ZNF83: variants seen among roughly 807,000 people sequenced by gnomAD.
The protein encoded by ZNF83 is zinc finger protein 816B.
For missense variants in ZNF83, 552 were observed against 629.9 expected (o/e 0.88, Z 1.32); for synonymous variants, 209 against 213.0 (o/e 0.98, Z 0.17).
At chr19:52,649,710 A>T (rs1056883063) in intron 3 of ZNF83, among the ~76,000 whole-genome samples, 1 of 152,146 alleles carries the variant, frequency 6.6e-6, no homozygotes, top group African/African-American at 2.4e-5. Flanking sequence ...GATCCAGAAG[A>T]CCCTAGCAGG....
At chr19:52,658,432 G>A (rs889816670) in intron 2 of ZNF83, among the ~76,000 whole-genome samples, 2 of 152,086 alleles carry the variant, frequency 1.3e-5, no homozygotes, top group African/African-American at 4.8e-5. Context: ...CAGGTGTGGT[G>A]GTGCGCACCT....
upstream of ZNF83, among the ~76,000 whole-genome samples, chr19:52,643,359 A>G (rs2061332217): frequency 1.7e-5 from 1 of 59,548 alleles, no homozygotes; most frequent in Admixed American, 2.2e-4. Flanking sequence ...TGTCTCAAAT[A>G]GAAAAAAAAA....
At chr19:52,634,960 C>A in intron 2 of ZNF83, 106 bp downstream of exon 2, 2 of 654,896 alleles carry the variant, frequency 3.1e-6, no homozygotes, top group South Asian at 1.7e-5. Context: ...GTGAGCAAAC[C>A]TGTCAGGCAG....
chr19:52,636,004 A>AG (rs1341585940), intron 1 of ZNF83: 1 of 151,214 alleles, frequency 6.6e-6, no homozygotes, highest in African/African-American at 2.4e-5. Context: ...AAAAAAAAAA[A>AG]AAACTATGTA....
intron 2 of ZNF83, among the ~76,000 whole-genome samples, chr19:52,627,488 C>G (rs1422424954): frequency 6.6e-6 from 1 of 151,972 alleles, no homozygotes; most frequent in Non-Finnish European, 1.5e-5. Flanking sequence ...GTGGTGAAAC[C>G]CTCTCTCTAC....
chr19:52,617,031 CA>C (rs930961645), intron 2 of ZNF83: 6 of 152,164 alleles, frequency 3.9e-5, no homozygotes, highest in Non-Finnish European at 8.8e-5. Flanking sequence ...CAGGGCCTAT[CA>C]GGGGGTAGGG....
intron 2 of ZNF83, among the ~76,000 whole-genome samples, chr19:52,658,333 G>A (rs2061534413): frequency 6.6e-6 from 1 of 151,974 alleles, no homozygotes; most frequent in South Asian, 2.1e-4. Flanking sequence ...TGGGAAGCCA[G>A]GGTGTGGGGA....
At chr19:52,626,037 T>C (rs1269825747) in intron 2 of ZNF83, among the ~76,000 whole-genome samples, 2 of 152,196 alleles carry the variant, frequency 1.3e-5, no homozygotes, top group African/African-American at 4.8e-5. Context: ...ACATGTACAC[T>C]CATTTTTCTC....
At chr19:52,679,700 AC>A (rs1165052387) in intron 1 of ZNF83, among the ~76,000 whole-genome samples, 1 of 152,196 alleles carries the variant, frequency 6.6e-6, no homozygotes, top group African/African-American at 2.4e-5. Context: ...GTCCACGCTG[AC>A]AATTCTGCTC....
At chr19:52,629,508 CCT>C (rs2060870805) in intron 2 of ZNF83, among the ~76,000 whole-genome samples, 3 of 152,140 alleles carry the variant, frequency 2.0e-5, no homozygotes, top group Non-Finnish European at 4.4e-5. Flanking sequence ...GCTCCTCCAC[CCT>C]GTAATCTTTT....
exon 3 of ZNF83, chr19:52,614,560 T>C (rs776509737): frequency 5.7e-6 from 9 of 1,583,140 alleles, no homozygotes; most frequent in East Asian, 4.5e-5. Context: ...CTTTCTCCCA[T>C]GCATGTCTCT....
intron 2 of ZNF83, among the ~76,000 whole-genome samples, chr19:52,615,801 G>A (rs1379868107): frequency 6.6e-6 from 1 of 152,164 alleles, no homozygotes; most frequent in African/African-American, 2.4e-5. Context: ...TTAGATGGAT[G>A]AAAAGGTCCA....
At chr19:52,648,464 G>T (rs764125830) in intron 3 of ZNF83, among the ~76,000 whole-genome samples, 1 of 152,116 alleles carries the variant, frequency 6.6e-6, no homozygotes, top group Admixed American at 6.5e-5. Flanking sequence ...AAAAAAAAGA[G>T]AGAGAGAGAG....
chr19:52,679,482 AT>A (rs1313687584), intron 1 of ZNF83, among the ~76,000 whole-genome samples: 5 of 152,160 alleles, frequency 3.3e-5, no homozygotes, highest in Admixed American at 1.3e-4. Context: ...ATGGTGGAGC[AT>A]GCTTATAAGC....
chr19:52,672,576 C>T (rs2147316105), intron 1 of ZNF83, among the ~76,000 whole-genome samples: 1 of 152,280 alleles, frequency 6.6e-6, no homozygotes, highest in South Asian at 2.1e-4. Context: ...AGCACCTCAT[C>T]TTTATGTTTT....
At chr19:52,625,909 C>T (rs1480411375) in intron 2 of ZNF83, among the ~76,000 whole-genome samples, 2 of 152,188 alleles carry the variant, frequency 1.3e-5, no homozygotes, top group East Asian at 1.9e-4. Flanking sequence ...GGGTAAAAGA[C>T]ACCTCTTTTA....
At chr19:52,676,322 G>A (rs1190296693) in intron 1 of ZNF83, among the ~76,000 whole-genome samples, 2 of 152,126 alleles carry the variant, frequency 1.3e-5, no homozygotes, top group African/African-American at 2.4e-5. Context: ...GCCTGATCTC[G>A]GCTCACTACA....
At chr19:52,644,887 G>A (rs771590906) in intron 3 of ZNF83, among the ~76,000 whole-genome samples, 7 of 151,834 alleles carry the variant, frequency 4.6e-5, no homozygotes, top group Non-Finnish European at 7.4e-5. Context: ...ACAGGCACCT[G>A]TAGTCCCAGC....
chr19:52,689,476 C>G (rs4802980), intron 1 of ZNF83, among the ~76,000 whole-genome samples: 86,276 of 147,436 alleles, frequency 0.59, 24,726 homozygotes, highest in African/African-American at 0.65. Flanking sequence ...CAGCACCACT[C>G]TGCTCTGTCT....
Sources: allele counts gnomAD v4.1 joint callset (sites outside exome capture counted in the v4.1 genomes callset), GRCh38; gene constraint gnomAD v4.1.1; transcripts MANE v1.5; gene names NCBI Gene and HGNC (gene_info 2026-07-23, HGNC 2026-07-21).